CYFIP1: variants seen among roughly 807,000 people sequenced by gnomAD.
CYFIP1 encodes the protein cytoplasmic FMR1-interacting protein 1.
A neutral mutation model predicts 163.5 loss-of-function variants in CYFIP1; 58 were observed. The observed-to-expected ratio is 0.35, with a 90% CI of 0.29 to 0.44. The LOEUF (loss-of-function observed/expected upper bound fraction) is 0.44, where lower values mean the gene tolerates loss of function less well. Ranked by LOEUF, CYFIP1 falls within the 20% of genes least tolerant of loss-of-function variation. The pLI, the probability that CYFIP1 is intolerant of heterozygous loss-of-function variation, is 1.00. For synonymous variants in CYFIP1, 663 were observed against 660.7 expected, an observed-to-expected ratio of 1.00 and a Z score of -0.05; for missense variants, 1,338 against 1,653.8, an observed-to-expected ratio of 0.81 and a Z score of 3.31.
chr15:22,891,042 C>A (rs951901753), intron 23 of CYFIP1, among the ~76,000 whole-genome samples: 3 of 152,024 alleles, frequency 2.0e-5, no homozygotes, highest in African/African-American at 4.8e-5. Context: ...CAAGAACCCA[C>A]TTCCTTCAAA....
chr15:22,894,790 TAACATAATAC>T (rs1339741028), intron 22 of CYFIP1, among the ~76,000 whole-genome samples: 1 of 147,940 alleles, frequency 6.8e-6, no homozygotes, highest in African/African-American at 2.5e-5. Flanking sequence ...ATATGATACA[TAACATAATAC>T]ATGTATTTAT....
intron 21 of CYFIP1, among the ~76,000 whole-genome samples, chr15:22,907,951 T>TAAC (rs1295286090): frequency 7.9e-5 from 12 of 152,346 alleles, no homozygotes; most frequent in African/African-American, 2.4e-4. Context: ...TCATCTCCTC[T>TAAC]AACACTCCAG....
intron 26 of CYFIP1, among the ~76,000 whole-genome samples, chr15:22,878,797 A>G (rs2059660568): frequency 6.6e-6 from 1 of 152,132 alleles, no homozygotes; most frequent in Admixed American, 6.5e-5. Context: ...AGAATTTACG[A>G]TATGTGCAGC....
chr15:22,879,149 AAG>A (rs1171415358), intron 26 of CYFIP1, among the ~76,000 whole-genome samples: 1 of 152,044 alleles, frequency 6.6e-6, no homozygotes. Flanking sequence ...AAAAAAAAAA[AAG>A]AAAAAGAAAA....
intron 24 of CYFIP1, 106 bp downstream of exon 24, chr15:22,882,762 G>T (rs1442416533): frequency 7.5e-7 from 1 of 1,340,196 alleles, no homozygotes; most frequent in Non-Finnish European, 1.0e-6. Flanking sequence ...CTAATTGAAC[G>T]AATCCAGCTG....
chr15:22,943,419 C>T, intron 5 of CYFIP1, 65 bp from the exon 6 acceptor site: 1 of 1,506,134 alleles, frequency 6.6e-7, no homozygotes, highest in East Asian at 2.3e-5. Flanking sequence ...CATGTCCCTC[C>T]TTCAAGCACC....
chr15:22,950,036 ATAAAT>A (rs1413681433), intron 1 of CYFIP1, among the ~76,000 whole-genome samples: 1 of 152,358 alleles, frequency 6.6e-6, no homozygotes, highest in South Asian at 2.1e-4. Context: ...ATAATTTAGA[ATAAAT>A]TAAAACAGAA....
chr15:22,894,877 A>ATTTT (rs1183343566), intron 22 of CYFIP1, among the ~76,000 whole-genome samples: 17 of 138,308 alleles, frequency 1.2e-4, no homozygotes, highest in African/African-American at 3.7e-4. Context: ...ATATATATAT[A>ATTTT]TTTTTTTTTT....
intron 10 of CYFIP1, 32 bp from the exon 11 acceptor site, chr15:22,932,372 C>A (rs1202709829): frequency 1.5e-5 from 23 of 1,494,078 alleles, no homozygotes; most frequent in Non-Finnish European, 2.1e-5. Context: ...GCGTTACCTG[C>A]GGAGGCGCCG....
chr15:22,980,572 C>G (rs895499759), upstream of CYFIP1, among the ~76,000 whole-genome samples: 6 of 152,166 alleles, frequency 3.9e-5, no homozygotes, highest in Admixed American at 6.5e-5. Context: ...GGCTACCTGC[C>G]GGCCTGGGTC....
At chr15:22,955,890 A>AC (rs11432077) in intron 1 of CYFIP1, among the ~76,000 whole-genome samples, 70,431 of 151,868 alleles carry the variant, frequency 0.46, 16,637 homozygotes, top group Middle Eastern at 0.59. Context: ...CATGCTTCAA[A>AC]ACAAAGAACA....
At chr15:22,979,461 C>T (rs1167303098) in intron 1 of CYFIP1, among the ~76,000 whole-genome samples, 1 of 150,812 alleles carries the variant, frequency 6.6e-6, no homozygotes, top group African/African-American at 2.5e-5. Flanking sequence ...AGAAAACAAA[C>T]GCTCCCGAGC....
chr15:22,966,402 A>G (rs1453875176), intron 1 of CYFIP1, among the ~76,000 whole-genome samples: 2 of 145,904 alleles, frequency 1.4e-5, no homozygotes, highest in Non-Finnish European at 3.0e-5. Flanking sequence ...CAAGATTAGG[A>G]CACAGATGCA....
At chr15:22,978,386 AT>A (rs2063353180) in intron 1 of CYFIP1, among the ~76,000 whole-genome samples, 1 of 147,686 alleles carries the variant, frequency 6.8e-6, no homozygotes, top group South Asian at 2.1e-4. Context: ...AAAAAAAGGA[AT>A]ACTATACGGT....
At chr15:22,913,287 G>C (rs948124626) in intron 17 of CYFIP1, among the ~76,000 whole-genome samples, 4 of 151,544 alleles carry the variant, frequency 2.6e-5, no homozygotes, top group Non-Finnish European at 5.9e-5. Context: ...CCAGCACTTT[G>C]GGAGGCCGAG....
intron 1 of CYFIP1, among the ~76,000 whole-genome samples, chr15:22,955,661 G>A (rs530001007): frequency 1.3e-5 from 2 of 152,154 alleles, no homozygotes; most frequent in Admixed American, 6.5e-5. Flanking sequence ...ACTAGAAAAC[G>A]GGCAGATCCG....
In CYFIP1 at chr15:22,977,882, G is replaced by A. The variant is rs1207312845; in HGVS notation, c.-7+2405C>T. Among the ~76,000 whole-genome samples the A allele has an allele frequency of 2.0e-5, 3 of 152,012 alleles. No homozygotes were observed. In the East Asian group the frequency reaches 5.8e-4, roughly 29 times the overall value. ...ACATAAAAGAAAAGAAAACAAAGGAGGGAGGGAGATGTTAGCTATTATTTA... is the reference window on the plus strand; with the variant it reads ...ACATAAAAGAAAAGAAAACAAAGGAAGGAGGGAGATGTTAGCTATTATTTA... On this transcript the variant is annotated intron_variant, in intron 1 of 30. Transcript: ENST00000617928.
rs760159225 is a variant in CYFIP1, at chr15:22,880,069, T to G, written c.2912-26A>C. ...CTACGGTGGCGGGAGTGAGGTGGGG[T>G]TGGGGGACTGGAGGGGGCCGGGCCC... On this transcript the variant is annotated intron_variant, in intron 25 of 30. Transcript: ENST00000617928. 397 of 1,612,246 alleles carry G rather than the reference T, an allele frequency of 2.5e-4. 2 individuals are homozygous for G. Among genetic ancestry groups the G allele is most frequent in the Non-Finnish European group, 1.4e-5 (17 of 1,179,698 alleles).
chr15:22,873,168 C>T (rs1235392898), intron 29 of CYFIP1, among the ~76,000 whole-genome samples, 196 bp from the exon 30 acceptor site: 2 of 152,124 alleles, frequency 1.3e-5, no homozygotes, highest in Non-Finnish European at 2.9e-5. Flanking sequence ...CTTTTTTGGG[C>T]TCTTCTGGTG....
Sources: gnomAD v4.1 joint callset for allele counts (sites outside exome capture counted in the v4.1 genomes callset) on GRCh38, gnomAD v4.1.1 for gene constraint, MANE v1.5 for transcripts, NCBI Gene and HGNC (gene_info 2026-07-23, HGNC 2026-07-21) for gene names.